DHRS3: variants seen among roughly 807,000 people sequenced by gnomAD.
The protein encoded by DHRS3 is short-chain dehydrogenase/reductase 3.
DHRS3 carries 14 observed loss-of-function variants against 27.2 expected under a neutral mutation model. The ratio of observed to expected loss-of-function variants is 0.52; its 90% CI spans 0.34 to 0.81. The LOEUF (loss-of-function observed/expected upper bound fraction) is 0.81. Among genes scored for constraint, DHRS3 ranks in the 30% least tolerant of loss-of-function variants. The pLI is 0.01. For missense variants in DHRS3, 322 were observed against 406.2 expected (o/e 0.79, Z 1.78); for synonymous variants, 165 against 175.9 (o/e 0.94, Z 0.49).
chr1:12,604,359 C>G (rs1308106086), intron 1 of DHRS3, among the ~76,000 whole-genome samples: 1 of 152,218 alleles, frequency 6.6e-6, no homozygotes, highest in Admixed American at 6.5e-5. Context: ...TTCAACTGTG[C>G]TATTACCCTG....
intron 4 of DHRS3, among the ~76,000 whole-genome samples, chr1:12,575,104 A>C (rs1019112418): frequency 1.3e-5 from 2 of 152,070 alleles, no homozygotes; most frequent in Non-Finnish European, 2.9e-5. Context: ...AGGCAGGTGG[A>C]TCACTTGAGG....
rs1051949700 is a variant in DHRS3, at chr1:12,608,739, C to T, written c.195+8415G>A. 2.0e-5 allele frequency among the ~76,000 whole-genome samples: 3 copies of T among 152,192 alleles called. No individual in the cohort carries two copies. Among genetic ancestry groups the T allele is most frequent in the South Asian group, 4.1e-4 (2 of 4,828 alleles). ...CTGTTCCAAAGGGCAGGAAGGTGTTCCTCTTGCAGGGCCCAGGTCTGCATT... is the reference window on the plus strand; with the variant it reads ...CTGTTCCAAAGGGCAGGAAGGTGTTTCTCTTGCAGGGCCCAGGTCTGCATT... On this transcript the variant is annotated intron_variant, in intron 1 of 5. Transcript: ENST00000616661. The surrounding 1 kb of genome is among the most constrained non-coding windows in gnomAD (Gnocchi z 4.1).
chr1:12,599,292 C>T (rs1042966027), intron 1 of DHRS3, among the ~76,000 whole-genome samples: 5 of 151,856 alleles, frequency 3.3e-5, no homozygotes, highest in African/African-American at 1.2e-4. Flanking sequence ...GCCAGCACAC[C>T]CTGCAAAGAC....
Position 12,594,681 on chromosome 1 carries a change from A to C in DHRS3, c.196-14015T>G, listed in dbSNP as rs1267383240. On this transcript the variant is annotated intron_variant, in intron 1 of 5. Coordinates refer to ENST00000616661, the MANE Select transcript of DHRS3 (RefSeq NM_004753.7). The surrounding 1 kb of genome is among the most constrained non-coding windows in gnomAD (Gnocchi z 4.1). Reference sequence around the variant, plus strand: ...CCTGGTGGAGGGAACAGTTGGTGCAAAGGCCCTGGGGTGGGAATGAGCTTC... The same window carrying C: ...CCTGGTGGAGGGAACAGTTGGTGCACAGGCCCTGGGGTGGGAATGAGCTTC... 6.6e-6 allele frequency among the ~76,000 whole-genome samples: 1 copy of C among 151,980 alleles called. No individual in the cohort carries two copies. Among genetic ancestry groups the C allele is most frequent in the Non-Finnish European group, 1.5e-5 (1 of 67,976 alleles).
chr1:12,590,498 C>T (rs547719902), intron 1 of DHRS3, among the ~76,000 whole-genome samples: 43 of 152,036 alleles, frequency 2.8e-4, no homozygotes, highest in Non-Finnish European at 4.9e-4. Flanking sequence ...TTAGTAGAGA[C>T]GGGGTTTCTC....
At chr1:12,610,654 C>T (rs754957458) in intron 1 of DHRS3, among the ~76,000 whole-genome samples, 8 of 152,220 alleles carry the variant, frequency 5.3e-5, no homozygotes, top group Non-Finnish European at 1.2e-4. Flanking sequence ...AGATCTCACT[C>T]ATTTCAGGGG....
Position 12,617,518 on chromosome 1 carries a change from A to T in DHRS3, c.-170T>A. 3.1e-6 allele frequency: 1 copy of T among 321,950 alleles called. No homozygotes were observed. The allele number at this position is 321,950 out of a possible 1,614,324, so 19.9% of individuals were successfully genotyped here. On this transcript the variant is annotated 5_prime_UTR_variant, in exon 1 of 6. Transcript: ENST00000616661. ...CAAATGCAAAGCACCGGGTGAGAAA[A>T]AGAAAAAAAAAAAAAAAAAAAAGAT... is the stretch of plus-strand genomic sequence containing the variant.
chr1:12,569,215 C>CTCT (rs1398306746), intron 5 of DHRS3, among the ~76,000 whole-genome samples: 21,299 of 87,000 alleles, frequency 0.24, 1,723 homozygotes, highest in East Asian at 0.36. Flanking sequence ...AAAACTCTGT[C>CTCT]CCCTCTCTCT....
chr1:12,590,072 C>T (rs570055969), intron 1 of DHRS3, among the ~76,000 whole-genome samples: 1 of 152,200 alleles, frequency 6.6e-6, no homozygotes, highest in East Asian at 1.9e-4. Context: ...TTTTCTACGT[C>T]CCCAAGCCTG....
chr1:12,572,581 A>C (rs947605798), intron 5 of DHRS3, 147 bp downstream of exon 5: 16 of 1,322,464 alleles, frequency 1.2e-5, no homozygotes, highest in African/African-American at 6.1e-5. Flanking sequence ...GTGACTAACA[A>C]GTTTGAGAAC....
In DHRS3 at chr1:12,578,857, C is replaced by T. The variant is rs1646615645; in HGVS notation, c.559G>A (p.Asp187Asn). The T allele has an allele frequency of 1.9e-6, 3 of 1,613,798 alleles. No homozygotes were observed. The highest frequency in any genetic ancestry group is 2.5e-6 in the Non-Finnish European group (3 of 1,180,012). The change falls in exon 4 of 6, where the codon GAC becomes AAC. Residue 187 changes from aspartate to asparagine, a missense_variant. Physicochemically the swap from Asp to Asn is conservative, Grantham distance 23 (BLOSUM62 1). Coordinates refer to ENST00000616661, the MANE Select transcript of DHRS3 (RefSeq NM_004753.7). The surrounding 1 kb of genome is among the most constrained non-coding windows in gnomAD (Gnocchi z 4.5). ...LALSAIPGAIDYCTSKASAFA... is the reference protein window; with the variant it reads ...LALSAIPGAINYCTSKASAFA... Reference sequence around the variant, plus strand: ...GCTGACGCTTTGGATGTGCAGTAGTCGATGGCACCGGGGATGGCAGACAGT... The same window carrying T: ...GCTGACGCTTTGGATGTGCAGTAGTTGATGGCACCGGGGATGGCAGACAGT...
chr1:12,600,199 CTGTG>C lies in DHRS3; in HGVS notation c.195+16951_195+16954del, dbSNP rs762363489. 3.5e-4 allele frequency among the ~76,000 whole-genome samples: 53 copies of C among 149,982 alleles called. No individual in the cohort carries two copies. The East Asian group carries it at 7.2e-3, about 21-fold the overall frequency. ...CCTTGTGAAAGAAAGAACCGCACAT[CTGTG>C]TGTGTGTGTGTGTACACGTACACAC... On this transcript the variant is annotated intron_variant, in intron 1 of 5. Coordinates refer to ENST00000616661, the MANE Select transcript of DHRS3 (RefSeq NM_004753.7).
intron 4 of DHRS3, among the ~76,000 whole-genome samples, chr1:12,577,881 G>A (rs1469536404): frequency 1.3e-5 from 2 of 152,226 alleles, no homozygotes; most frequent in African/African-American, 4.8e-5. Flanking sequence ...ATAACAAAAG[G>A]TATACATCTT....
At chr1:12,613,234 C>T (rs1387799982) in intron 1 of DHRS3, among the ~76,000 whole-genome samples, 1 of 152,106 alleles carries the variant, frequency 6.6e-6, no homozygotes, top group Non-Finnish European at 1.5e-5. Flanking sequence ...GAGAGGAACC[C>T]AGAACCCTGC....
chr1:12,609,239 C>T (rs753300239), intron 1 of DHRS3, among the ~76,000 whole-genome samples: 1 of 152,266 alleles, frequency 6.6e-6, no homozygotes, highest in African/African-American at 2.4e-5. Flanking sequence ...GGTTCCCTGC[C>T]GCATCTCCAA....
chr1:12,573,972 T>C (rs1199952750), intron 4 of DHRS3, among the ~76,000 whole-genome samples: 2 of 152,164 alleles, frequency 1.3e-5, no homozygotes, highest in African/African-American at 4.8e-5. Flanking sequence ...CTCATGTTGC[T>C]GGCTCTGACC....
intron 1 of DHRS3, among the ~76,000 whole-genome samples, chr1:12,609,842 C>T (rs972308252): frequency 6.6e-6 from 1 of 152,092 alleles, no homozygotes; most frequent in African/African-American, 2.4e-5. Context: ...CACTGGCCAC[C>T]TCTTGGTCCT....
chr1:12,612,212 G>C (rs573254098), intron 1 of DHRS3, among the ~76,000 whole-genome samples: 25 of 152,298 alleles, frequency 1.6e-4, no homozygotes, highest in African/African-American at 5.3e-4. Context: ...GGATGGGAGA[G>C]ATGGGCCACT....
At chr1:12,582,378 T>G (rs1646651660) in intron 1 of DHRS3, among the ~76,000 whole-genome samples, 1 of 152,196 alleles carries the variant, frequency 6.6e-6, no homozygotes, top group Non-Finnish European at 1.5e-5. Context: ...AAAGCCCAGT[T>G]TGAAAACCCC....
Sources: allele counts gnomAD v4.1 joint callset (sites outside exome capture counted in the v4.1 genomes callset), GRCh38; gene constraint gnomAD v4.1.1; non-coding constraint Gnocchi (gnomAD v3.1); transcripts MANE v1.5; gene names NCBI Gene and HGNC (gene_info 2026-07-23, HGNC 2026-07-21).